Variants in SPATA19 observed in about 807,000 individuals in gnomAD.
The protein encoded by SPATA19 is spermatogenesis associated 19, also known as spermatogenesis-associated protein 19, mitochondrial.
SPATA19 carries 19 observed loss-of-function variants against 25.0 expected under a neutral mutation model. That is an observed-to-expected ratio of 0.76 (90% confidence interval 0.53 to 1.11). The LOEUF (loss-of-function observed/expected upper bound fraction) is 1.11, where lower values mean the gene tolerates loss of function less well. Ranked by LOEUF, SPATA19 falls within the 50% of genes most tolerant of loss-of-function variation. The pLI, the probability that SPATA19 is intolerant of heterozygous loss-of-function variation, is 0.00. For synonymous variants in SPATA19, 64 were observed against 69.3 expected (o/e 0.92, Z 0.38); for missense variants, 222 against 211.4 (o/e 1.05, Z -0.31).
chr11:133,840,558 C>G (rs1292269439), downstream of SPATA19: 2 of 152,340 alleles, frequency 1.3e-5, no homozygotes, highest in Middle Eastern at 3.4e-3. Context: ...TCCCCAGAGC[C>G]AGGCCTGTGA....
At chr11:133,838,387 G>A (rs1938245460), downstream of SPATA19, among the ~76,000 whole-genome samples, 1 of 152,096 alleles carries the variant, frequency 6.6e-6, no homozygotes, top group African/African-American at 2.4e-5. Flanking sequence ...GGAAAGAATT[G>A]GAGTTTCAAG....
Position 133,842,080 on chromosome 11 carries a change from C to A in SPATA19, c.463G>T (p.Ala155Ser). 2 of 1,614,106 alleles carry A rather than the reference C, an allele frequency of 1.2e-6. No homozygotes were observed. The highest frequency in any genetic ancestry group is 1.7e-6 in the Non-Finnish European group (2 of 1,180,032). Reference sequence around the variant, plus strand: ...GAGGGTCTCATACTGAAGTCCTGAGCTGAGACATCTGTAAGACGGGATATG... The same window carrying A: ...GAGGGTCTCATACTGAAGTCCTGAGATGAGACATCTGTAAGACGGGATATG... ...RSISRLTDVSAQDFSMRPSSS... is the reference protein window; with the variant it reads ...RSISRLTDVSSQDFSMRPSSS... The change falls in exon 6 of 7, where the codon GCT becomes TCT. Residue 155 changes from alanine to serine, a missense_variant. By Grantham distance (99) the Ala-to-Ser change is moderately conservative. Coordinates refer to ENST00000299140, the MANE Select transcript of SPATA19 (RefSeq NM_174927.3).
chr11:133,844,099 T>C (rs1938366738), intron 4 of SPATA19, 147 bp downstream of exon 4: 1 of 662,564 alleles, frequency 1.5e-6, no homozygotes, highest in Non-Finnish European at 2.7e-6. Context: ...ATAGCAAGGA[T>C]ATTCCCTTAA....
chr11:133,841,763 A>T (rs574571391), intron 6 of SPATA19, among the ~76,000 whole-genome samples: 2 of 152,202 alleles, frequency 1.3e-5, no homozygotes, highest in Admixed American at 6.5e-5. Context: ...GCCCGGGCCC[A>T]TGAATGATGG....
chr11:133,842,555 G>A lies in SPATA19; in HGVS notation c.367C>T (p.Arg123Cys), dbSNP rs764831377. 12 of 1,613,302 alleles carry A rather than the reference G, an allele frequency of 7.4e-6. No individual in the cohort carries two copies. The highest frequency in any genetic ancestry group is 1.3e-5 in the African/African-American group (1 of 74,868). The part of the protein sequence containing the change: ...RIQFIRWSHT[R>C]IFQVPSEMTE... Reference sequence around the variant, plus strand: ...ATCTCACTTGGCACTTGGAAGATACGAGTGTGGCTGCAAAAGGCCATTCGT... The same window carrying A: ...ATCTCACTTGGCACTTGGAAGATACAAGTGTGGCTGCAAAAGGCCATTCGT... Residue 123 changes from arginine to cysteine, a missense_variant, in exon 5 of 7, where the codon CGT becomes TGT. Arg to Cys is a radical substitution (Grantham distance 180, BLOSUM62 -3). Coordinates refer to ENST00000299140, the MANE Select transcript of SPATA19 (RefSeq NM_174927.3).
intron 5 of SPATA19, 58 bp from the exon 6 acceptor site, chr11:133,842,163 A>G: frequency 1.9e-6 from 3 of 1,546,170 alleles, no homozygotes; most frequent in Non-Finnish European, 2.7e-6. Context: ...AGCAGAGCCT[A>G]CCCAGACCAC....
chr11:133,837,872 T>C (rs1031438583), downstream of SPATA19, among the ~76,000 whole-genome samples: 1 of 152,132 alleles, frequency 6.6e-6, no homozygotes, highest in Non-Finnish European at 1.5e-5. Flanking sequence ...CAGAAATAAC[T>C]GTAAACCTCA....
chr11:133,842,177 A>G, intron 5 of SPATA19, 72 bp from the exon 6 acceptor site: 1 of 1,486,240 alleles, frequency 6.7e-7, no homozygotes, highest in Non-Finnish European at 9.4e-7. Flanking sequence ...AGACCACGGC[A>G]CAGGGGCTGC....
At chr11:133,838,730 A>C (rs557589354), downstream of SPATA19, among the ~76,000 whole-genome samples, 20 of 152,220 alleles carry the variant, frequency 1.3e-4, no homozygotes, top group Non-Finnish European at 7.3e-5. Flanking sequence ...AACTACCATC[A>C]GGGTGAACAG....
downstream of SPATA19, among the ~76,000 whole-genome samples, chr11:133,836,640 TA>T (rs1037274463): frequency 1.3e-5 from 2 of 152,224 alleles, no homozygotes; most frequent in Non-Finnish European, 2.9e-5. Context: ...ATGACGATTT[TA>T]AAATAGAAAT....
chr11:133,843,345 T>C (rs1938351912), intron 4 of SPATA19, among the ~76,000 whole-genome samples: 1 of 152,058 alleles, frequency 6.6e-6, no homozygotes, highest in Non-Finnish European at 1.5e-5. Context: ...ACATTTATGA[T>C]TTTAGGGGCC....
chr11:133,842,554 C>A lies in SPATA19; in HGVS notation c.368G>T (p.Arg123Leu). Residue 123 changes from arginine (R) to leucine (L), a missense_variant, in exon 5 of 7, where the codon CGT becomes CTT. Physicochemically the swap from Arg to Leu is moderately radical, Grantham distance 102 (BLOSUM62 -2). Coordinates refer to ENST00000299140, the MANE Select transcript of SPATA19 (RefSeq NM_174927.3). Reference sequence around the variant, plus strand: ...CATCTCACTTGGCACTTGGAAGATACGAGTGTGGCTGCAAAAGGCCATTCG... The same window carrying A: ...CATCTCACTTGGCACTTGGAAGATAAGAGTGTGGCTGCAAAAGGCCATTCG... Reference protein sequence around the residue: ...RIQFIRWSHTRIFQVPSEMTE... With the variant: ...RIQFIRWSHTLIFQVPSEMTE... The A allele has an allele frequency of 6.2e-7, 1 of 1,613,700 alleles. No homozygotes were observed. The highest frequency in any genetic ancestry group is 8.5e-7 in the Non-Finnish European group (1 of 1,179,648).
intron 4 of SPATA19, among the ~76,000 whole-genome samples, chr11:133,843,835 A>G (rs10791328): frequency 0.31 from 47,002 of 152,176 alleles, 8,769 homozygotes; most frequent in East Asian, 0.6. Context: ...AGCCACCATA[A>G]CCGAGTGCAG....
In SPATA19 at chr11:133,844,489, G is replaced by T. The variant is rs1938377263; in HGVS notation, c.267+20C>A. ...CTCCCTCACCGCTACTCCCAGGCAA[G>T]GTCTCAAACTCTCATTTACCACATC... On this transcript the variant is annotated intron_variant, in intron 3 of 6. Transcript: ENST00000299140. 1 of 1,613,976 alleles carries T rather than the reference G, an allele frequency of 6.2e-7. No individual in the cohort carries two copies. Among genetic ancestry groups the T allele is most frequent in the African/African-American group, 1.3e-5 (1 of 74,896 alleles).
At chr11:133,845,248 C>T in intron 1 of SPATA19, 58 bp from the exon 2 acceptor site, 1 of 1,546,012 alleles carries the variant, frequency 6.5e-7, no homozygotes, top group Non-Finnish European at 8.9e-7. Context: ...GCTCTTCCCA[C>T]CCAGCCCCCG....
chr11:133,843,634 C>T lies in SPATA19; in HGVS notation c.359+612G>A, dbSNP rs77655469. On this transcript the variant is annotated intron_variant, in intron 4 of 6. Transcript: ENST00000299140. ...ACCAGTCTAAGCCCTCAGTCCCTCT[C>T]CTGGGAAGGGGTGGCTGATGTGCTC... Among the ~76,000 whole-genome samples, 651 of 152,322 alleles carry T rather than the reference C, an allele frequency of 4.3e-3. 6 individuals are homozygous for T. Among genetic ancestry groups the T allele is most frequent in the African/African-American group, 0.015 (630 of 41,574 alleles).
At position 133,845,423 on chromosome 11, in the gene SPATA19, C is replaced by T. The variant is rs149661263; in HGVS notation, c.24G>A (p.Val8=). Residue 8 remains valine (V), a synonymous_variant, in exon 1 of 7, where the codon GTG becomes GTA. Transcript: ENST00000299140. ...CTACACCTTTCCGAGCAAGAATATA[C>T]ACAATCCATGTCGTAATTATCATCT... is the stretch of plus-strand genomic sequence containing the variant. MIITTWI[V]YILARKGVGL... 3 of 1,614,106 alleles carry T rather than the reference C, an allele frequency of 1.9e-6. No individual in the cohort carries two copies. The highest frequency in any genetic ancestry group is 1.3e-5 in the African/African-American group (1 of 75,030).
downstream of SPATA19, among the ~76,000 whole-genome samples, chr11:133,839,693 A>G (rs999877046): frequency 6.6e-6 from 1 of 152,180 alleles, no homozygotes; most frequent in Non-Finnish European, 1.5e-5. Context: ...TAATTAAAAA[A>G]TTTAAAAAAA....
In SPATA19 at chr11:133,842,507, G is replaced by T; in HGVS notation, c.415C>A (p.Arg139=). ...SEMTEDIMRD[R]IEQVRRSISR... ...TACCTTCGTCTCACCTGCTCTATTC[G>T]ATCTCGCATGATGTCCTCTGTCATC... is the stretch of plus-strand genomic sequence containing the variant. The change falls in exon 5 of 7, where the codon CGA becomes AGA. Residue 139 remains arginine, a synonymous_variant. Transcript: ENST00000299140. 1 of 1,613,876 alleles carries T rather than the reference G, an allele frequency of 6.2e-7. No individual in the cohort carries two copies. The highest frequency in any genetic ancestry group is 8.5e-7 in the Non-Finnish European group (1 of 1,179,884).
Sources: gnomAD v4.1 joint callset for allele counts (sites outside exome capture counted in the v4.1 genomes callset) on GRCh38, gnomAD v4.1.1 for gene constraint, MANE v1.5 for transcripts, NCBI Gene and HGNC (gene_info 2026-07-23, HGNC 2026-07-21) for gene names.